Variants in GPD1L observed in about 807,000 individuals in gnomAD.
The protein encoded by GPD1L is glycerol-3-phosphate dehydrogenase 1 like, also known as glycerol-3-phosphate dehydrogenase 1-like protein.
A neutral mutation model predicts 32.9 loss-of-function variants in GPD1L; 17 were observed. The observed-to-expected ratio is 0.52, with a 90% CI of 0.35 to 0.78. The LOEUF is 0.78. GPD1L is among the 30% of genes least tolerant of loss of function. GPD1L has a pLI of 0.01. For missense variants in GPD1L, 361 were observed against 447.8 expected, an observed-to-expected ratio of 0.81 and a Z score of 1.75; for synonymous variants, 187 against 165.9, an observed-to-expected ratio of 1.13 and a Z score of -0.98.
chr3:32,130,299 T>G (rs1182613526), intron 2 of GPD1L, among the ~76,000 whole-genome samples: 1 of 152,120 alleles, frequency 6.6e-6, no homozygotes, highest in East Asian at 1.9e-4. Flanking sequence ...AAACCTATTC[T>G]TCCTGTTTAA....
At chr3:32,132,484 A>G (rs1177884607) in intron 2 of GPD1L, among the ~76,000 whole-genome samples, 1 of 152,238 alleles carries the variant, frequency 6.6e-6, no homozygotes, top group Non-Finnish European at 1.5e-5. Context: ...GGTAATACCT[A>G]TTAATTTTTG....
intron 7 of GPD1L, among the ~76,000 whole-genome samples, chr3:32,161,008 C>T (rs953977631): frequency 6.6e-6 from 1 of 152,194 alleles, no homozygotes; most frequent in Non-Finnish European, 1.5e-5. Context: ...GAATGACATG[C>T]TGATTGTGGC....
At chr3:32,161,853 C>T (rs2125499523) in intron 7 of GPD1L, among the ~76,000 whole-genome samples, 1 of 152,334 alleles carries the variant, frequency 6.6e-6, no homozygotes, top group African/African-American at 2.4e-5. Flanking sequence ...GCACCCTTCT[C>T]CTGGGCTGGA....
chr3:32,123,839 T>TAGATAGATAGATAGATAGACAGACAGAC (rs58722314), intron 1 of GPD1L, among the ~76,000 whole-genome samples: 1 of 134,488 alleles, frequency 7.4e-6, no homozygotes, highest in Admixed American at 7.7e-5. Context: ...GATAGATAGA[T>TAGATAGATAGATAGATAGACAGACAGAC]AGACAGACAG....
At chr3:32,132,029 A>T (rs1341184246) in intron 2 of GPD1L, among the ~76,000 whole-genome samples, 1 of 152,204 alleles carries the variant, frequency 6.6e-6, no homozygotes, top group African/African-American at 2.4e-5. Flanking sequence ...ATGTGTATTC[A>T]AATCCTTTGT....
chr3:32,109,436 G>A (rs187022645), intron 1 of GPD1L, among the ~76,000 whole-genome samples: 1 of 152,276 alleles, frequency 6.6e-6, no homozygotes, highest in East Asian at 1.9e-4. Context: ...TGGTGTACTT[G>A]ACTGTTTCCT....
At chr3:32,108,846 T>G (rs1700203507) in intron 1 of GPD1L, among the ~76,000 whole-genome samples, 1 of 151,730 alleles carries the variant, frequency 6.6e-6, no homozygotes, top group African/African-American at 2.4e-5. Context: ...TTGCCAGTTG[T>G]TTTTTTTTAT....
At chr3:32,122,974 G>T (rs1700443605) in intron 1 of GPD1L, among the ~76,000 whole-genome samples, 1 of 152,110 alleles carries the variant, frequency 6.6e-6, no homozygotes, top group South Asian at 2.1e-4. Context: ...GTATGATCAT[G>T]GCTTACTGCA....
intron 5 of GPD1L, among the ~76,000 whole-genome samples, chr3:32,156,735 G>T (rs1700996508): frequency 6.6e-6 from 1 of 152,160 alleles, no homozygotes. Context: ...TGTTTGATGT[G>T]TTTTATCAAA....
intron 5 of GPD1L, chr3:32,151,316 C>T: frequency 1.5e-6 from 1 of 650,530 alleles, no homozygotes; most frequent in South Asian, 1.7e-5. Context: ...GAATCTTGCC[C>T]TTAACTTGTT....
intron 1 of GPD1L, among the ~76,000 whole-genome samples, chr3:32,109,109 A>G (rs903175156): frequency 6.6e-6 from 1 of 152,098 alleles, no homozygotes; most frequent in Non-Finnish European, 1.5e-5. Context: ...TCTTCCTCCC[A>G]AAGTGCTGGG....
At chr3:32,147,026 G>A (rs572314677) in intron 5 of GPD1L, among the ~76,000 whole-genome samples, 1 of 152,292 alleles carries the variant, frequency 6.6e-6, no homozygotes, top group Admixed American at 6.5e-5. Context: ...TGATGACAGG[G>A]TTTCACCCAG....
chr3:32,148,794 A>G (rs1156969274), intron 5 of GPD1L, among the ~76,000 whole-genome samples: 3 of 152,216 alleles, frequency 2.0e-5, no homozygotes, highest in Non-Finnish European at 2.9e-5. Context: ...GCAAGGACAC[A>G]TGGCCGTATG....
chr3:32,131,127 C>T (rs1034460420), intron 2 of GPD1L, among the ~76,000 whole-genome samples: 2 of 152,122 alleles, frequency 1.3e-5, no homozygotes, highest in African/African-American at 4.8e-5. Context: ...GTGTTTGGAG[C>T]TCATCAAGGT....
chr3:32,128,062 G>T lies in GPD1L; in HGVS notation c.48-14G>T. On this transcript the variant is annotated splice_polypyrimidine_tract_variant and intron_variant, in intron 1 of 7. Transcript: ENST00000282541. ...GTGAGTTTATGTTTTTCTTTTCCACGATTTCTTTTGTAGGGGTTCAGCTGT... is the reference window on the plus strand; with the variant it reads ...GTGAGTTTATGTTTTTCTTTTCCACTATTTCTTTTGTAGGGGTTCAGCTGT... 1.9e-6 allele frequency: 3 copies of T among 1,594,006 alleles called. No individual in the cohort carries two copies. Among genetic ancestry groups the T allele is most frequent in the South Asian group, 2.2e-5 (2 of 90,518 alleles).
At chr3:32,111,380 G>C (rs1315623351) in intron 1 of GPD1L, among the ~76,000 whole-genome samples, 2 of 152,150 alleles carry the variant, frequency 1.3e-5, no homozygotes, top group Admixed American at 1.3e-4. Flanking sequence ...GTTTCTGCCT[G>C]GGTCTCCCAC....
rs1701049058 is a variant in GPD1L at position 32,159,601 on chromosome 3, G to T, written c.886G>T (p.Gly296Trp). The change falls in exon 7 of 8, where the codon GGG (glycine) becomes TGG (tryptophan). Residue 296 changes from glycine to tryptophan, a missense_variant. By Grantham distance (184) the Gly-to-Trp change is radical. Transcript: ENST00000282541. Reference protein sequence around the residue: ...IEELEKEMLNGQKLQGPQTSA... With the variant: ...IEELEKEMLNWQKLQGPQTSA... ...AGAGTTGGAGAAGGAGATGCTGAATGGGCAAAAGCTCCAAGGACCGCAGAC... is the reference window on the plus strand; with the variant it reads ...AGAGTTGGAGAAGGAGATGCTGAATTGGCAAAAGCTCCAAGGACCGCAGAC... 1.2e-6 allele frequency: 2 copies of T among 1,611,908 alleles called. No homozygotes were observed. The highest frequency in any genetic ancestry group is 1.7e-6 in the Non-Finnish European group (2 of 1,178,360).
At chr3:32,144,806 C>T (rs1383587012) in intron 4 of GPD1L, among the ~76,000 whole-genome samples, 2 of 149,200 alleles carry the variant, frequency 1.3e-5, no homozygotes, top group African/African-American at 4.9e-5. Context: ...ATGCCTCAGC[C>T]TCCTGAGTAG....
chr3:32,124,344 C>T (rs575733058), intron 1 of GPD1L, among the ~76,000 whole-genome samples: 35 of 152,336 alleles, frequency 2.3e-4, no homozygotes, highest in African/African-American at 8.2e-4. Context: ...GGATTACAGG[C>T]GTGAGCCACC....
Sources: allele counts gnomAD v4.1 joint callset (sites outside exome capture counted in the v4.1 genomes callset), GRCh38; gene constraint gnomAD v4.1.1; transcripts MANE v1.5; gene names NCBI Gene and HGNC (gene_info 2026-07-23, HGNC 2026-07-21).